Variants in CDH2 observed in about 807,000 individuals in gnomAD.
CDH2 encodes cadherin-2.
A neutral mutation model predicts 92.0 loss-of-function variants in CDH2; 17 were observed. The observed-to-expected ratio is 0.18, with a 90% CI of 0.13 to 0.28. The LOEUF is 0.28. Ranked by LOEUF, CDH2 falls within the 10% of genes least tolerant of loss-of-function variation. The probability of loss-of-function intolerance (pLI) is 1.00; values close to 1 mark genes in which losing one functional copy is unlikely to be tolerated. For synonymous variants in CDH2, 419 were observed against 415.9 expected, an observed-to-expected ratio of 1.01 and a Z score of -0.09; for missense variants, 862 against 1,133.1, an observed-to-expected ratio of 0.76 and a Z score of 3.44.
chr18:27,957,686 A>G (rs1441266211), intron 15 of CDH2, among the ~76,000 whole-genome samples: 1 of 152,104 alleles, frequency 6.6e-6, no homozygotes, highest in Non-Finnish European at 1.5e-5. Flanking sequence ...GTAACTATGC[A>G]TTGTTGTCCT....
intron 1 of CDH2, among the ~76,000 whole-genome samples, chr18:28,149,273 A>G (rs1205810791): frequency 6.6e-6 from 1 of 152,222 alleles, no homozygotes; most frequent in Non-Finnish European, 1.5e-5. Context: ...GATTCTGTAC[A>G]TGTCCATCAA....
intron 2 of CDH2, among the ~76,000 whole-genome samples, chr18:28,142,440 C>T (rs1267297945): frequency 6.6e-6 from 1 of 150,834 alleles, no homozygotes; most frequent in Non-Finnish European, 1.5e-5. Context: ...ATAAAAAATT[C>T]CAAGTATTAA....
At chr18:27,995,050 C>T (rs1000101656) in intron 7 of CDH2, among the ~76,000 whole-genome samples, 2 of 152,082 alleles carry the variant, frequency 1.3e-5, no homozygotes, top group Admixed American at 1.3e-4. Flanking sequence ...CGGTGGCTCA[C>T]GCCTGTAATC....
intron 2 of CDH2, among the ~76,000 whole-genome samples, chr18:28,103,247 G>GTACATATATAAAAACTCCTTTA (rs2015259815): frequency 8.1e-6 from 1 of 122,940 alleles, no homozygotes; most frequent in African/African-American, 3.2e-5. Flanking sequence ...TATATATAAA[G>GTACATATATAAAAACTCCTTTA]TATATATATA....
intron 2 of CDH2, among the ~76,000 whole-genome samples, chr18:28,032,178 T>C (rs1419015620): frequency 6.6e-5 from 10 of 152,136 alleles, no homozygotes; most frequent in Admixed American, 6.6e-4. Context: ...CTGGAATTTC[T>C]TGCACAAAGA....
chr18:28,053,996 G>T (rs2014244053), intron 2 of CDH2, among the ~76,000 whole-genome samples: 1 of 152,140 alleles, frequency 6.6e-6, no homozygotes, highest in Non-Finnish European at 1.5e-5. Context: ...TTTGTGCCAT[G>T]GGAGGCTGCA....
chr18:28,033,342 A>G (rs535530864), intron 2 of CDH2, among the ~76,000 whole-genome samples: 5 of 152,094 alleles, frequency 3.3e-5, no homozygotes, highest in Admixed American at 3.3e-4. Context: ...ATTTTTATGG[A>G]CTAATGTCTT....
At chr18:28,077,094 CA>C (rs1289866130) in intron 2 of CDH2, among the ~76,000 whole-genome samples, 1 of 152,078 alleles carries the variant, frequency 6.6e-6, no homozygotes, top group Non-Finnish European at 1.5e-5. Flanking sequence ...CAATTTTCAT[CA>C]AACAGCCAAA....
intron 2 of CDH2, among the ~76,000 whole-genome samples, chr18:28,014,115 A>C (rs1433688007): frequency 6.6e-6 from 1 of 152,058 alleles, no homozygotes; most frequent in Non-Finnish European, 1.5e-5. Context: ...GTGCCCTAGC[A>C]TTTCCTTCTT....
chr18:28,006,593 G>T (rs997256858), intron 5 of CDH2, among the ~76,000 whole-genome samples: 1 of 151,614 alleles, frequency 6.6e-6, no homozygotes, highest in African/African-American at 2.4e-5. Context: ...GGGCCTGGTG[G>T]CATATGTCTG....
chr18:28,023,468 C>T (rs765148502), intron 2 of CDH2, among the ~76,000 whole-genome samples: 11 of 150,794 alleles, frequency 7.3e-5, no homozygotes, highest in Admixed American at 5.3e-4. Flanking sequence ...GGAGTACAGG[C>T]GTGCACCACC....
chr18:28,076,505 C>A (rs2014721341), intron 2 of CDH2, among the ~76,000 whole-genome samples: 2 of 152,104 alleles, frequency 1.3e-5, no homozygotes, highest in South Asian at 4.2e-4. Flanking sequence ...ATGATAATTG[C>A]TCAATAATTT....
At chr18:28,175,490 G>A (rs987745527) in intron 1 of CDH2, among the ~76,000 whole-genome samples, 2 of 152,204 alleles carry the variant, frequency 1.3e-5, no homozygotes, top group African/African-American at 4.8e-5. Flanking sequence ...AGGGACAGGC[G>A]TGCCGCACCA....
chr18:28,058,457 G>A (rs1027664838), intron 2 of CDH2, among the ~76,000 whole-genome samples: 4 of 152,190 alleles, frequency 2.6e-5, no homozygotes, highest in Admixed American at 6.5e-5. Context: ...CCAGGCTCAC[G>A]CAACTGTATA....
chr18:28,068,425 A>AAC (rs71871790), intron 2 of CDH2, among the ~76,000 whole-genome samples: 7 of 152,026 alleles, frequency 4.6e-5, no homozygotes, highest in Non-Finnish European at 8.8e-5. Context: ...TAAGTTAACA[A>AAC]ACACACACAC....
chr18:27,999,266 G>C (rs1316323031), intron 7 of CDH2, among the ~76,000 whole-genome samples: 1 of 152,112 alleles, frequency 6.6e-6, no homozygotes, highest in Admixed American at 6.6e-5. Flanking sequence ...GGTTAAGGAG[G>C]GTTTTGGGGC....
intron 8 of CDH2, 75 bp from the exon 9 acceptor site, chr18:27,992,915 G>T: frequency 9.2e-7 from 1 of 1,082,396 alleles, no homozygotes. Flanking sequence ...TGACCACACC[G>T]TCCGATTTTA....
intron 1 of CDH2, among the ~76,000 whole-genome samples, chr18:28,149,228 A>G (rs1004843532): frequency 2.6e-5 from 4 of 152,214 alleles, no homozygotes; most frequent in African/African-American, 9.7e-5. Context: ...TGACATGTGC[A>G]GGAATGTCCA....
intron 2 of CDH2, among the ~76,000 whole-genome samples, chr18:28,094,763 C>T (rs1330783721): frequency 2.9e-5 from 4 of 139,532 alleles, no homozygotes; most frequent in Non-Finnish European, 4.6e-5. Flanking sequence ...CACTGCACTC[C>T]AGCCTGGGCG....
Sources: allele counts gnomAD v4.1 joint callset (sites outside exome capture counted in the v4.1 genomes callset), GRCh38; gene constraint gnomAD v4.1.1; transcripts MANE v1.5; gene names NCBI Gene and HGNC (gene_info 2026-07-23, HGNC 2026-07-21).